The following TMEM59 variants were observed in gnomAD, a reference collection of about 807,000 sequenced individuals.
The protein encoded by TMEM59 is dendritic cell factor 1.
In TMEM59, 44 loss-of-function variants were observed where a neutral mutation model predicts 42.2. The observed-to-expected ratio is 1.04, with a 90% CI of 0.82 to 1.34. The LOEUF is 1.34. Ranked by LOEUF, TMEM59 falls within the 40% of genes most tolerant of loss-of-function variation. The pLI, the probability that TMEM59 is intolerant of heterozygous loss-of-function variation, is 0.00. For synonymous variants in TMEM59, 148 were observed against 145.8 expected (o/e 1.02, Z -0.11); for missense variants, 359 against 382.8 (o/e 0.94, Z 0.52).
chr1:54,045,191 A>T lies in TMEM59; in HGVS notation c.390+501T>A, dbSNP rs374516776. Among the ~76,000 whole-genome samples the T allele has an allele frequency of 3.3e-5, 5 of 152,202 alleles. 1 individual carries two copies. Among genetic ancestry groups the T allele is most frequent in the Admixed American group, 2.6e-4 (4 of 15,278 alleles). On this transcript the variant is annotated intron_variant, in intron 3 of 7. Transcript: ENST00000234831. Reference sequence around the variant, plus strand: ...CAGTTTGGACTTAAATCTATATGTAATTGGGAGCTACTGATTATATAAGAC... The same window carrying T: ...CAGTTTGGACTTAAATCTATATGTATTTGGGAGCTACTGATTATATAAGAC...
intron 1 of TMEM59, among the ~76,000 whole-genome samples, chr1:54,052,787 A>C (rs1657597816): frequency 6.6e-6 from 1 of 152,156 alleles, no homozygotes; most frequent in Non-Finnish European, 1.5e-5. Context: ...TGTGTCCCCC[A>C]GCCTATCACA....
intron 3 of TMEM59, 77 bp from the exon 4 acceptor site, chr1:54,043,602 C>T (rs1657221018): frequency 4.0e-6 from 4 of 990,800 alleles, no homozygotes; most frequent in East Asian, 6.9e-5. Flanking sequence ...ATCAAGATTA[C>T]TCCAATCCTT....
intron 7 of TMEM59, chr1:54,033,125 T>TC (rs1236333302): frequency 6.6e-6 from 1 of 151,008 alleles, no homozygotes; most frequent in Non-Finnish European, 1.5e-5. Context: ...CTTTTTTTTT[T>TC]CTTTCTTTTT....
In TMEM59 at chr1:54,028,526, T is replaced by A. The variant is rs1324738466; in HGVS notation, c.*3624A>T. 2 of 152,194 alleles carry A rather than the reference T, an allele frequency of 1.3e-5. No homozygotes were observed. The highest frequency in any genetic ancestry group is 3.9e-4 in the East Asian group (2 of 5,182). The allele number at this position is 152,194 out of a possible 1,614,324, so 9.4% of individuals were successfully genotyped here. A position where few individuals can be genotyped will look rare whatever the true frequency, so the allele number is the denominator to read the frequency against. ...TACCTGGTCTGCCTAGCCCCATCTT[T>A]TGTTATGCTTTTGTATGCTCTATCT... On this transcript the variant is annotated 3_prime_UTR_variant, in exon 8 of 8. Coordinates refer to ENST00000234831, the MANE Select transcript of TMEM59 (RefSeq NM_004872.5).
At chr1:54,052,878 A>C (rs1657605424) in intron 1 of TMEM59, 122 bp downstream of exon 1, 1 of 1,125,446 alleles carries the variant, frequency 8.9e-7, no homozygotes, top group Admixed American at 2.4e-5. Context: ...GGAGCTACAC[A>C]GATGGGAGAC....
intron 3 of TMEM59, 125 bp from the exon 4 acceptor site, chr1:54,043,650 T>A: frequency 1.9e-6 from 1 of 535,896 alleles, no homozygotes; most frequent in Non-Finnish European, 2.7e-6. Flanking sequence ...ACATCTACCA[T>A]AATCAATAGC....
Position 54,043,365 on chromosome 1 carries a change from G to C in TMEM59, c.543+8C>G. 2 of 1,529,456 alleles carry C rather than the reference G, an allele frequency of 1.3e-6. No homozygotes were observed. Among genetic ancestry groups the C allele is most frequent in the South Asian group, 1.3e-5 (1 of 76,178 alleles). The allele number at this position is 1,529,456 out of a possible 1,614,324, so 94.7% of individuals were successfully genotyped here. ...TATTTAGATGAATCCATGAAGCTCA[G>C]TTGTCACCTGGAATATAACTATTTT... On this transcript the variant is annotated splice_region_variant and intron_variant, in intron 4 of 7. Transcript: ENST00000234831.
upstream of TMEM59, chr1:54,053,275 G>T: frequency 6.6e-7 from 1 of 1,506,570 alleles, no homozygotes. Context: ...CCCCTTCTCC[G>T]CCCCACCGAC....
In TMEM59 at chr1:54,045,727, T is replaced by G. The variant is rs1354199588; in HGVS notation, c.355A>C (p.Asn119His). ...EQYACHLGCQ[N>H]QLPFAELRQE... is the part of the protein sequence containing the mutation. ...CTCAGTTCAGCGAATGGCAGCTGATTCTGGCAACCAAGATGGCAAGCATAT... is the reference window on the plus strand; with the variant it reads ...CTCAGTTCAGCGAATGGCAGCTGATGCTGGCAACCAAGATGGCAAGCATAT... Residue 119 changes from asparagine to histidine, a missense_variant, in exon 3 of 8, where the codon AAT becomes CAT. Coordinates refer to ENST00000234831, the MANE Select transcript of TMEM59 (RefSeq NM_004872.5). 3 of 1,614,016 alleles carry G rather than the reference T, an allele frequency of 1.9e-6. No individual in the cohort carries two copies. The highest frequency in any genetic ancestry group is 2.5e-6 in the Non-Finnish European group (3 of 1,180,014).
intron 1 of TMEM59, chr1:54,048,705 A>G: frequency 2.3e-6 from 1 of 431,310 alleles, no homozygotes; most frequent in South Asian, 1.8e-5. Context: ...CAGCATGTGC[A>G]TATACCAGTT....
At position 54,028,604 on chromosome 1, in the gene TMEM59, GCA is replaced by G. The variant is rs1422026970; in HGVS notation, c.*3544_*3545del. 2.0e-5 allele frequency: 3 copies of G among 152,198 alleles called. No homozygotes were observed. Among genetic ancestry groups the G allele is most frequent in the Non-Finnish European group, 2.9e-5 (2 of 68,084 alleles). 9.4% of individuals were successfully genotyped at this position (152,198 alleles called of 1,614,324 possible). On this transcript the variant is annotated 3_prime_UTR_variant, in exon 8 of 8. Transcript: ENST00000234831. The stretch of plus-strand genomic sequence containing the variant: ...CACCCTCTGGCCTCTAGGTCTTTGA[GCA>G]CAGTGTCCCCACTGTCTGGTACACT...
chr1:54,032,323 T>C lies in TMEM59; in HGVS notation c.817-18A>G, dbSNP rs373648181. On this transcript the variant is annotated intron_variant, in intron 7 of 7. Transcript: ENST00000234831. ...CTCAGCTTCTGCAAAAGAAAACCAA[T>C]GTACATTAGTAGTCTGGATAATTAG... 3.1e-6 allele frequency: 5 copies of C among 1,587,792 alleles called. No homozygotes were observed. Among genetic ancestry groups the C allele is most frequent in the East Asian group, 2.2e-5 (1 of 44,548 alleles).
rs1395987972 is a variant in TMEM59 at position 54,027,838 on chromosome 1, A to G, written c.*4312T>C. On this transcript the variant is annotated 3_prime_UTR_variant, in exon 8 of 8. Coordinates refer to ENST00000234831, the MANE Select transcript of TMEM59 (RefSeq NM_004872.5). ...AACAGATTTCAGAAAAGGTCTAAAA[A>G]CTGTGCTCCAGAATTTAATTACCAC... 1 of 152,086 alleles carries G rather than the reference A, an allele frequency of 6.6e-6. No homozygotes were observed. Among genetic ancestry groups the G allele is most frequent in the Non-Finnish European group, 1.5e-5 (1 of 68,020 alleles). The allele number at this position is 152,086 out of a possible 1,614,324, so 9.4% of individuals were successfully genotyped here.
intron 1 of TMEM59, among the ~76,000 whole-genome samples, chr1:54,049,789 G>A (rs1366552482): frequency 6.6e-6 from 1 of 151,974 alleles, no homozygotes; most frequent in East Asian, 1.9e-4. Context: ...GACCAGCCTA[G>A]GCAACACAGC....
At position 54,028,025 on chromosome 1, in the gene TMEM59, C is replaced by T. The variant is rs151021887; in HGVS notation, c.*4125G>A. ...AAAATGGTCACTCATGCAGATGATA[C>T]CCAAATGCAAACATGACACGCTTAG... is the stretch of plus-strand genomic sequence containing the variant. On this transcript the variant is annotated 3_prime_UTR_variant, in exon 8 of 8. Transcript: ENST00000234831. 2.0e-5 allele frequency: 3 copies of T among 152,308 alleles called. No individual in the cohort carries two copies. In the East Asian group the frequency reaches 5.8e-4, roughly 29 times the overall value. 9.4% of individuals were successfully genotyped at this position (152,308 alleles called of 1,614,324 possible). A position where few individuals can be genotyped will look rare whatever the true frequency, so the allele number is the denominator to read the frequency against.
chr1:54,047,413 A>AC (rs1557679963), intron 1 of TMEM59, 41 bp from the exon 2 acceptor site: 1 of 1,510,862 alleles, frequency 6.6e-7, no homozygotes, highest in Admixed American at 1.9e-5. Context: ...AAAAAATAGT[A>AC]TTTTTTTTTC....
intron 6 of TMEM59, among the ~76,000 whole-genome samples, chr1:54,038,188 C>T (rs1657017002): frequency 6.6e-6 from 1 of 152,196 alleles, no homozygotes; most frequent in Non-Finnish European, 1.5e-5. Flanking sequence ...AAATTTCTGA[C>T]TCTCCTTATC....
chr1:54,033,260 G>C (rs1272332831), intron 7 of TMEM59: 1 of 151,658 alleles, frequency 6.6e-6, no homozygotes, highest in African/African-American at 2.4e-5. Flanking sequence ...AGGCCTGTCC[G>C]TATGTATCTC....
Position 54,047,256 on chromosome 1 carries a change from T to C in TMEM59, c.295+11A>G, listed in dbSNP as rs756626845. The C allele has an allele frequency of 3.6e-5, 58 of 1,603,420 alleles. No homozygotes were observed. The highest frequency in any genetic ancestry group is 4.4e-5 in the Non-Finnish European group (52 of 1,172,236). The stretch of plus-strand genomic sequence containing the variant: ...TTACATACAGCTGATGTCGTTAGCA[T>C]AGCATCTTACCAGATTCACATTCCA... On this transcript the variant is annotated intron_variant, in intron 2 of 7. Coordinates refer to ENST00000234831, the MANE Select transcript of TMEM59 (RefSeq NM_004872.5).
Sources: allele counts gnomAD v4.1 joint callset (sites outside exome capture counted in the v4.1 genomes callset), GRCh38; gene constraint gnomAD v4.1.1; transcripts MANE v1.5; gene names NCBI Gene and HGNC (gene_info 2026-07-23, HGNC 2026-07-21).